ARB2A: variants seen among roughly 807,000 people sequenced by gnomAD.
ARB2A encodes the protein cotranscriptional regulator ARB2A.
chr5:93,915,142 A>G, the ARB2A span, among the ~76,000 whole-genome samples: 1 of 152,006 alleles, frequency 6.6e-6, no homozygotes, highest in Non-Finnish European at 1.5e-5. Flanking sequence ...GTGTTCTGCT[A>G]TCATCCATTA....
At chr5:94,091,607 C>T in the ARB2A span, among the ~76,000 whole-genome samples, 1 of 152,162 alleles carries the variant, frequency 6.6e-6, no homozygotes, top group Non-Finnish European at 1.5e-5. Context: ...AAACATATGG[C>T]TCATCTCAAG....
chr5:93,868,420 C>A, the ARB2A span, among the ~76,000 whole-genome samples: 1 of 152,154 alleles, frequency 6.6e-6, no homozygotes, highest in African/African-American at 2.4e-5. Flanking sequence ...AAAGGATGCA[C>A]ACGGTAATGT....
At chr5:93,955,718 A>T in the ARB2A span, among the ~76,000 whole-genome samples, 1 of 152,228 alleles carries the variant, frequency 6.6e-6, no homozygotes, top group Non-Finnish European at 1.5e-5. Context: ...TTCCCCTTAT[A>T]GCTAGAGCCT....
At chr5:93,950,048 C>A in the ARB2A span, among the ~76,000 whole-genome samples, 2 of 152,168 alleles carry the variant, frequency 1.3e-5, no homozygotes, top group African/African-American at 4.8e-5. Flanking sequence ...GGATCTCACT[C>A]TTTTCTATGG....
the ARB2A span, among the ~76,000 whole-genome samples, chr5:93,979,834 T>C: frequency 1.3e-5 from 2 of 152,098 alleles, no homozygotes; most frequent in Non-Finnish European, 2.9e-5. Flanking sequence ...ATAAAAGTGA[T>C]ATATTCTGGT....
chr5:93,642,175 G>A, the ARB2A span, among the ~76,000 whole-genome samples: 90 of 150,944 alleles, frequency 6.0e-4, no homozygotes, highest in Non-Finnish European at 4.7e-4. Context: ...TAGAGACAGA[G>A]TCTCCCTATG....
the ARB2A span, among the ~76,000 whole-genome samples, chr5:93,886,962 TAA>T: frequency 1.3e-5 from 2 of 151,736 alleles, no homozygotes; most frequent in African/African-American, 4.8e-5. Flanking sequence ...CAACTTCAAA[TAA>T]AGTTTCCAAC....
the ARB2A span, among the ~76,000 whole-genome samples, chr5:93,771,223 A>T: frequency 3.3e-5 from 5 of 151,640 alleles, no homozygotes; most frequent in East Asian, 1.9e-4. Context: ...CCTATTTAAT[A>T]AATGGTGCTG....
chr5:93,820,080 T>C, the ARB2A span, among the ~76,000 whole-genome samples: 1 of 152,124 alleles, frequency 6.6e-6, no homozygotes, highest in East Asian at 1.9e-4. Context: ...GAAATAAAAG[T>C]AATAAGAAAA....
chr5:93,797,980 T>A, the ARB2A span, among the ~76,000 whole-genome samples: 1 of 151,974 alleles, frequency 6.6e-6, no homozygotes, highest in Non-Finnish European at 1.5e-5. Context: ...TGAATGACAT[T>A]TGAGAGAAGT....
At chr5:94,035,256 T>TATACATATACAA in the ARB2A span, among the ~76,000 whole-genome samples, 2 of 151,320 alleles carry the variant, frequency 1.3e-5, no homozygotes, top group Admixed American at 1.3e-4. Context: ...TACATATACA[T>TATACATATACAA]CACTATATGT....
the ARB2A span, among the ~76,000 whole-genome samples, chr5:93,832,664 T>C: frequency 6.6e-6 from 1 of 151,918 alleles, no homozygotes; most frequent in Non-Finnish European, 1.5e-5. Context: ...TGGCAGAACA[T>C]CTTTGAAAAG....
chr5:93,654,804 C>T, the ARB2A span, among the ~76,000 whole-genome samples: 4 of 152,126 alleles, frequency 2.6e-5, no homozygotes, highest in African/African-American at 9.7e-5. Flanking sequence ...CCATTTTTCC[C>T]GTCTTATGCC....
the ARB2A span, among the ~76,000 whole-genome samples, chr5:94,004,139 C>CA: frequency 1.1e-3 from 172 of 151,760 alleles, no homozygotes; most frequent in African/African-American, 3.9e-3. Context: ...CAGCCATAAA[C>CA]AAAAAAAATG....
chr5:94,075,221 A>T, the ARB2A span, among the ~76,000 whole-genome samples: 1 of 152,066 alleles, frequency 6.6e-6, no homozygotes, highest in Admixed American at 6.6e-5. Context: ...ACAAGCAGAT[A>T]GGAGGATGCA....
At chr5:94,043,751 T>A in the ARB2A span, among the ~76,000 whole-genome samples, 2 of 152,182 alleles carry the variant, frequency 1.3e-5, no homozygotes, top group Non-Finnish European at 2.9e-5. Flanking sequence ...AACTCATAGG[T>A]ATTTGAGGGT....
At chr5:93,975,316 CAAA>C in the ARB2A span, among the ~76,000 whole-genome samples, 3 of 61,860 alleles carry the variant, frequency 4.8e-5, no homozygotes, top group Non-Finnish European at 9.4e-5. Flanking sequence ...GACTCCATCT[CAAA>C]AAAAAAAAAA....
At chr5:93,967,729 C>T in the ARB2A span, among the ~76,000 whole-genome samples, 1 of 152,110 alleles carries the variant, frequency 6.6e-6, no homozygotes, top group African/African-American at 2.4e-5. Context: ...TACTCCAGAG[C>T]TCTCTATTGT....
At chr5:93,673,657 G>A in the ARB2A span, among the ~76,000 whole-genome samples, 29 of 152,106 alleles carry the variant, frequency 1.9e-4, no homozygotes, top group Non-Finnish European at 2.5e-4. Context: ...AACAGGGAAA[G>A]CCTCCGCAAA....
Sources: gnomAD v4.1 joint callset for allele counts (sites outside exome capture counted in the v4.1 genomes callset) on GRCh38, gnomAD v4.1.1 for gene constraint, MANE v1.5 for transcripts, NCBI Gene and HGNC (gene_info 2026-07-23, HGNC 2026-07-21) for gene names.